The following NTRK1 variants were observed in gnomAD, a reference collection of about 807,000 sequenced individuals.
NTRK1 encodes the protein high affinity nerve growth factor receptor.
Under a neutral mutation model 86.8 loss-of-function variants are expected in NTRK1, and 62 were observed. The ratio of observed to expected loss-of-function variants is 0.71; its 90% CI spans 0.58 to 0.88. The LOEUF (loss-of-function observed/expected upper bound fraction) is 0.88. Among genes scored for constraint, NTRK1 ranks in the 40% least tolerant of loss-of-function variants. The probability of loss-of-function intolerance (pLI) is 0.00; values close to 1 mark genes in which losing one functional copy is unlikely to be tolerated. For missense variants in NTRK1, 967 were observed against 1,078.4 expected (o/e 0.90, Z 1.45); for synonymous variants, 469 against 456.6 (o/e 1.03, Z -0.35).
At chr1:156,834,868 G>A (rs1654559197) in intron 1 of NTRK1, among the ~76,000 whole-genome samples, 1 of 152,116 alleles carries the variant, frequency 6.6e-6, no homozygotes, top group Non-Finnish European at 1.5e-5. Context: ...AGCCCAGTGA[G>A]GAAGAATTTG....
intron 2 of NTRK1, among the ~76,000 whole-genome samples, chr1:156,849,898 T>C (rs989958808): frequency 1.3e-5 from 2 of 151,442 alleles, no homozygotes; most frequent in Non-Finnish European, 2.9e-5. Flanking sequence ...GCCACTAGAC[T>C]AGATGACTAG....
At chr1:156,829,630 C>A (rs547609273) in intron 1 of NTRK1, among the ~76,000 whole-genome samples, 1 of 152,132 alleles carries the variant, frequency 6.6e-6, no homozygotes, top group Non-Finnish European at 1.5e-5. Context: ...ATCCACCCCC[C>A]AGACTCAAAC....
intron 1 of NTRK1, among the ~76,000 whole-genome samples, chr1:156,817,318 C>T (rs2234883): frequency 0.17 from 26,061 of 151,848 alleles, 2,788 homozygotes; most frequent in Non-Finnish European, 0.25. Flanking sequence ...CATGGTGGCT[C>T]ATGCTTGTAA....
chr1:156,842,153 C>T (rs755716153), exon 2 of NTRK1: 15 of 1,613,864 alleles, frequency 9.3e-6, no homozygotes, highest in East Asian at 6.7e-5. Context: ...CATGCAGTTG[C>T]GGGCTGCTAG....
intron 2 of NTRK1, chr1:156,842,547 C>T: frequency 1.3e-6 from 2 of 1,559,766 alleles, no homozygotes; most frequent in Non-Finnish European, 1.8e-6. Flanking sequence ...CCCTAGTTCC[C>T]CTTGACCCAT....
chr1:156,854,160 T>A lies in NTRK1; in HGVS notation c.51-10194T>A, dbSNP rs199848379. The A allele has an allele frequency of 1.1e-4, 181 of 1,613,972 alleles. No homozygotes were observed. Among genetic ancestry groups the A allele is most frequent in the Middle Eastern group, 1.6e-4 (1 of 6,084 alleles). ...AGCAGCAGGTAGTCGGTGACCTGGG[T>A]GAGGCGAGGGAAGCTGAGGCCGCGG... On this transcript the variant is annotated intron_variant, in intron 2 of 16. Transcript: ENST00000392302. This position sits in a 1 kb window ranked among gnomAD's most constrained non-coding sequence, Gnocchi z 4.2.
Position 156,873,763 on chromosome 1 carries a change from C to T in NTRK1, c.981C>T (p.Phe327=), listed in dbSNP as rs1647710782. 1 of 1,613,320 alleles carries T rather than the reference C, an allele frequency of 6.2e-7. No homozygotes were observed. Among genetic ancestry groups the T allele is most frequent in the Non-Finnish European group, 8.5e-7 (1 of 1,179,776 alleles). ...FNGSVLNETS[F]IFTEFLEPAA... is the part of the protein sequence containing the mutation. ...GCTCCGTGCTCAATGAGACCAGCTT[C>T]ATCTTCACTGAGTTCCTGGAGCCGG... The change falls in exon 8 of 17, where the codon TTC becomes TTT. Residue 327 remains phenylalanine, a synonymous_variant. Coordinates refer to ENST00000524377, the MANE Select transcript of NTRK1 (RefSeq NM_002529.4).
intron 4 of NTRK1, among the ~76,000 whole-genome samples, chr1:156,867,743 G>A (rs749700792): frequency 3.3e-5 from 5 of 150,780 alleles, no homozygotes; most frequent in African/African-American, 7.3e-5. Flanking sequence ...ATCTCATCTC[G>A]GCTCACTGCA....
chr1:156,866,782 T>G, intron 3 of NTRK1, 128 bp from the exon 4 acceptor site: 1 of 726,686 alleles, frequency 1.4e-6, no homozygotes, highest in Non-Finnish European at 2.3e-6. Context: ...GGGCTGGTTC[T>G]GGTTGCCTAG....
At position 156,879,134 on chromosome 1, in the gene NTRK1, T is replaced by C. The variant is rs2102924088; in HGVS notation, c.1818T>C (p.Pro606=). The part of the protein sequence containing the change: ...DLNRFLRSHG[P]DAKLLAGGED... Reference sequence around the variant, plus strand: ...TTCTTGTTCACAGATCCCATGGACCTGATGCCAAGCTGCTGGCTGGTGGGG... The same window carrying C: ...TTCTTGTTCACAGATCCCATGGACCCGATGCCAAGCTGCTGGCTGGTGGGG... The change falls in exon 15 of 17, where the codon CCT becomes CCC. Residue 606 remains proline (P), a synonymous_variant. Coordinates refer to ENST00000524377, the MANE Select transcript of NTRK1 (RefSeq NM_002529.4). 6.2e-7 allele frequency: 1 copy of C among 1,613,914 alleles called. No homozygotes were observed.
Position 156,854,261 on chromosome 1 carries a change from C to T in NTRK1, c.51-10093C>T, listed in dbSNP as rs762411169. 6.2e-6 allele frequency: 10 copies of T among 1,613,474 alleles called. No individual in the cohort carries two copies. Among genetic ancestry groups the T allele is most frequent in the South Asian group, 3.3e-5 (3 of 91,048 alleles). ...CACCACGCTGCAGTTCTCCAGCTGA[C>T]GAAGCTCTGCCACCTCTGAGCGAAT... On this transcript the variant is annotated intron_variant, in intron 2 of 16. Transcript: ENST00000392302. The surrounding 1 kb of genome is among the most constrained non-coding windows in gnomAD (Gnocchi z 4.2).
rs201892904 is a variant in NTRK1, at chr1:156,816,101, G to A, written c.-64+263G>A. On this transcript the variant is annotated intron_variant, in intron 1 of 16. Coordinates refer to the NTRK1 transcript ENST00000392302. The stretch of plus-strand genomic sequence containing the variant: ...ATGGGGGCTTCGTGACTCCCTGTGA[G>A]CACAAAGAGGGCTGCCGGGGTTTCT... The A allele has an allele frequency of 6.4e-5, 103 of 1,610,542 alleles. No individual in the cohort carries two copies. The East Asian group carries it at 9.4e-4, about 15-fold the overall frequency.
intron 1 of NTRK1, among the ~76,000 whole-genome samples, chr1:156,833,679 T>A (rs545020279): frequency 6.6e-6 from 1 of 152,370 alleles, no homozygotes; most frequent in East Asian, 1.9e-4. Flanking sequence ...TTCTTGGCTC[T>A]AAACCCTCCC....
At chr1:156,879,071 C>G (rs780187791) in intron 14 of NTRK1, 51 bp from the exon 15 acceptor site, 1 of 1,607,204 alleles carries the variant, frequency 6.2e-7, no homozygotes, top group Non-Finnish European at 8.5e-7. Flanking sequence ...TCCTCAGGCT[C>G]CTGGGAGTTC....
rs2102917271 is a variant in NTRK1, at chr1:156,876,105, C to T, written c.1527C>T (p.Asp509=). Residue 509 remains aspartate, a synonymous_variant, in exon 13 of 17, where the codon GAC becomes GAT. Transcript: ENST00000524377. ...DACVHHIKRR[D]IVLKWELGEG... is the part of the protein sequence containing the mutation. Reference sequence around the variant, plus strand: ...GTGTTCACCACATCAAGCGCCGGGACATCGTGCTCAAGTGGGAGCTGGGGG... The same window carrying T: ...GTGTTCACCACATCAAGCGCCGGGATATCGTGCTCAAGTGGGAGCTGGGGG... The T allele has an allele frequency of 3.1e-6, 5 of 1,614,214 alleles. No homozygotes were observed. The highest frequency in any genetic ancestry group is 4.2e-6 in the Non-Finnish European group (5 of 1,180,038).
chr1:156,841,150 C>A, intron 1 of NTRK1: 1 of 1,427,332 alleles, frequency 7.0e-7, no homozygotes, highest in South Asian at 1.2e-5. Context: ...GGAGCCCCTG[C>A]CACGCTCTCA....
rs2274496 is a variant in NTRK1, at chr1:156,864,406, G to A, written c.265G>A (p.Gly89Ser). The A allele has an allele frequency of 7.1e-5, 114 of 1,614,116 alleles. No individual in the cohort carries two copies. The East Asian group carries it at 2.5e-3, about 35-fold the overall frequency. The change falls in exon 2 of 17, where the codon GGC becomes AGC. Residue 89 changes from glycine to serine, a missense_variant. Transcript: ENST00000524377. ...GCATCTGGAGCTCCGTGATCTGAGG[G>A]GCCTGGGGGAGCTGAGAAACCTGTG... is the stretch of plus-strand genomic sequence containing the variant. ...LQHLELRDLRGLGELRNLTIV... is the reference protein window; with the variant it reads ...LQHLELRDLRSLGELRNLTIV...
At chr1:156,834,522 G>A (rs1464585057) in intron 1 of NTRK1, among the ~76,000 whole-genome samples, 1 of 152,178 alleles carries the variant, frequency 6.6e-6, no homozygotes, top group Non-Finnish European at 1.5e-5. Flanking sequence ...TGGGGTGGTG[G>A]ATGTGGGCTG....
intron 1 of NTRK1, among the ~76,000 whole-genome samples, chr1:156,828,246 A>C (rs745420164): frequency 3.1e-4 from 47 of 152,228 alleles, no homozygotes; most frequent in Admixed American, 5.2e-4. Flanking sequence ...ATTTACTTGA[A>C]TAGACAATAA....
Sources: gnomAD v4.1 joint callset for allele counts (sites outside exome capture counted in the v4.1 genomes callset) on GRCh38, gnomAD v4.1.1 for gene constraint, Gnocchi (gnomAD v3.1) non-coding constraint, MANE v1.5 for transcripts, NCBI Gene and HGNC (gene_info 2026-07-23, HGNC 2026-07-21) for gene names.